Variants in PLEKHG1 observed in about 807,000 individuals in gnomAD.
The protein encoded by PLEKHG1 is pleckstrin homology domain-containing family G member 1.
In PLEKHG1, 44 loss-of-function variants were observed where a neutral mutation model predicts 100.8. The ratio of observed to expected loss-of-function variants is 0.44; its 90% CI spans 0.34 to 0.56. The LOEUF (loss-of-function observed/expected upper bound fraction) is 0.56. PLEKHG1 is among the 20% of genes least tolerant of loss of function. PLEKHG1 has a pLI of 0.01. For synonymous variants in PLEKHG1, 640 were observed against 662.5 expected, an observed-to-expected ratio of 0.97 and a Z score of 0.52; for missense variants, 1,545 against 1,720.9, an observed-to-expected ratio of 0.90 and a Z score of 1.81.
At position 150,831,195 on chromosome 6, in the gene PLEKHG1, G is replaced by A. The variant is rs536904223; in HGVS notation, c.2084G>A (p.Ser695Asn). 40 of 1,614,120 alleles carry A rather than the reference G, an allele frequency of 2.5e-5. No individual in the cohort carries two copies. In the South Asian group the frequency reaches 3.4e-4, roughly 14 times the overall value. Reference sequence around the variant, plus strand: ...GCCAGGGACTCCGTTCGCCCCAAGAGCACCCCAGAGTTAGCCTTCACAAAG... The same window carrying A: ...GCCAGGGACTCCGTTCGCCCCAAGAACACCCCAGAGTTAGCCTTCACAAAG... The change falls in exon 15 of 16, where the codon AGC becomes AAC. Residue 695 changes from serine (S) to asparagine (N), a missense_variant. Transcript: ENST00000358517. This position sits in a 1 kb window ranked among gnomAD's most constrained non-coding sequence, Gnocchi z 4.1.
chr6:150,751,639 A>C (rs1783515587), intron 2 of PLEKHG1, among the ~76,000 whole-genome samples: 1 of 152,216 alleles, frequency 6.6e-6, no homozygotes, highest in African/African-American at 2.4e-5. Context: ...GTTTAAAATA[A>C]GCTTAATTAT....
chr6:150,623,407 C>A (rs12189916), intron 1 of PLEKHG1, among the ~76,000 whole-genome samples: 4,471 of 152,322 alleles, frequency 0.029, 103 homozygotes, highest in Admixed American at 0.073. Context: ...GCAAGCACAT[C>A]ACGCAAATAA....
chr6:150,755,577 T>C (rs1028641313), intron 2 of PLEKHG1, among the ~76,000 whole-genome samples: 13 of 152,178 alleles, frequency 8.5e-5, no homozygotes, highest in African/African-American at 3.1e-4. Context: ...TGAGCTGCCT[T>C]GAATGGACCA....
Position 150,834,179 on chromosome 6 carries a change from A to G in PLEKHG1, c.3094+1974A>G, listed in dbSNP as rs183319775. ...GAAGGTTTTGTATGCATGTGAGACT[A>G]GAATGCATGTATTTTTCTCCTTGCC... On this transcript the variant is annotated intron_variant, in intron 15 of 15. Coordinates refer to ENST00000358517, the Ensembl canonical transcript of PLEKHG1. 4.2e-4 allele frequency among the ~76,000 whole-genome samples: 64 copies of G among 152,324 alleles called. 1 individual carries two copies. Among genetic ancestry groups the G allele is most frequent in the African/African-American group, 5.1e-4 (21 of 41,576 alleles).
intron 1 of PLEKHG1, among the ~76,000 whole-genome samples, chr6:150,626,486 G>A (rs899624444): frequency 6.6e-6 from 1 of 152,128 alleles, no homozygotes; most frequent in African/African-American, 2.4e-5. Context: ...ACCAGAACAT[G>A]TGCTCTGTCT....
intron 1 of PLEKHG1, among the ~76,000 whole-genome samples, chr6:150,635,267 C>T (rs1777944584): frequency 6.6e-6 from 1 of 151,954 alleles, no homozygotes; most frequent in Admixed American, 6.5e-5. Context: ...GTTGTGGAGA[C>T]TGTGCTGCAA....
intron 2 of PLEKHG1, among the ~76,000 whole-genome samples, chr6:150,757,190 CG>C (rs1316160327): frequency 1.3e-5 from 2 of 152,020 alleles, no homozygotes; most frequent in Non-Finnish European, 2.9e-5. Flanking sequence ...TTAGTAGAGA[CG>C]GGGTTTTACC....
chr6:150,721,939 C>A (rs1253464224), intron 1 of PLEKHG1, among the ~76,000 whole-genome samples: 6 of 152,060 alleles, frequency 3.9e-5, no homozygotes, highest in Non-Finnish European at 8.8e-5. Context: ...AGATATCTGA[C>A]ACCAATTGAC....
upstream of PLEKHG1, among the ~76,000 whole-genome samples, chr6:150,718,701 C>T (rs1472993927): frequency 6.6e-6 from 1 of 152,070 alleles, no homozygotes; most frequent in Non-Finnish European, 1.5e-5. Flanking sequence ...AACTTCTGAC[C>T]TCGTGATCCA....
chr6:150,770,153 G>C (rs1224202336), intron 3 of PLEKHG1, among the ~76,000 whole-genome samples: 1 of 152,198 alleles, frequency 6.6e-6, no homozygotes, highest in African/African-American at 2.4e-5. Flanking sequence ...TTTTGCGATA[G>C]TGAAATCCCA....
In PLEKHG1 at chr6:150,651,446, C is replaced by T. The variant is rs186559123; in HGVS notation, c.-99+660C>T. ...ATGGGGTTTCACCACGTTGGCCAGG[C>T]TGGTCATGAACTCCTGACCTCAAGT... On this transcript the variant is annotated intron_variant, in intron 3 of 3. Transcript: ENST00000367326. 2.6e-5 allele frequency among the ~76,000 whole-genome samples: 4 copies of T among 152,226 alleles called. No homozygotes were observed. In the East Asian group the frequency reaches 7.8e-4, roughly 30 times the overall value.
chr6:150,751,169 C>T (rs1349480224), intron 2 of PLEKHG1, among the ~76,000 whole-genome samples: 1 of 152,010 alleles, frequency 6.6e-6, no homozygotes, highest in Non-Finnish European at 1.5e-5. Context: ...TTTAACTTTA[C>T]AAATAAAAAA....
intron 3 of PLEKHG1, among the ~76,000 whole-genome samples, chr6:150,703,453 T>G (rs1452415025): frequency 6.6e-6 from 1 of 151,734 alleles, no homozygotes; most frequent in Non-Finnish European, 1.5e-5. Context: ...ATACAAAAAT[T>G]AGCCAGGCGT....
chr6:150,634,074 T>C (rs1777880221), intron 1 of PLEKHG1, among the ~76,000 whole-genome samples: 1 of 150,186 alleles, frequency 6.7e-6, no homozygotes, highest in Non-Finnish European at 1.5e-5. Flanking sequence ...AAACCCCGTC[T>C]CTACTAACAA....
intron 4 of PLEKHG1, 149 bp downstream of exon 5, chr6:150,786,608 T>G (rs1253551725): frequency 4.9e-6 from 3 of 606,408 alleles, no homozygotes; most frequent in Non-Finnish European, 3.0e-6. Context: ...AGCAAAAATG[T>G]ATTGTTCCTG....
chr6:150,723,053 C>T (rs777106160), intron 1 of PLEKHG1, among the ~76,000 whole-genome samples: 2 of 152,144 alleles, frequency 1.3e-5, no homozygotes, highest in African/African-American at 2.4e-5. Flanking sequence ...GAAGAAACTG[C>T]TATTAGAGGG....
At chr6:150,743,107 A>C (rs1226159006) in intron 2 of PLEKHG1, among the ~76,000 whole-genome samples, 1 of 152,218 alleles carries the variant, frequency 6.6e-6, no homozygotes, top group East Asian at 1.9e-4. Flanking sequence ...CAAAGAAGGT[A>C]GGAAACAATT....
chr6:150,767,825 C>T (rs1784522220), intron 2 of PLEKHG1, among the ~76,000 whole-genome samples: 1 of 152,142 alleles, frequency 6.6e-6, no homozygotes, highest in Admixed American at 6.6e-5. Flanking sequence ...ACTGTATTTA[C>T]TTTTTATTTT....
chr6:150,835,291 T>C (rs1211448955), intron 15 of PLEKHG1, among the ~76,000 whole-genome samples: 1 of 152,214 alleles, frequency 6.6e-6, no homozygotes, highest in Non-Finnish European at 1.5e-5. Context: ...CTGGGTTTTT[T>C]GGTGATGTTT....
Sources: gnomAD v4.1 joint callset for allele counts (sites outside exome capture counted in the v4.1 genomes callset) on GRCh38, gnomAD v4.1.1 for gene constraint, Gnocchi (gnomAD v3.1) non-coding constraint, MANE v1.5 for transcripts, NCBI Gene and HGNC (gene_info 2026-07-23, HGNC 2026-07-21) for gene names.